Variants in CDC123 observed in about 807,000 individuals in gnomAD.
CDC123 encodes the protein cell division cycle 123.
Under a neutral mutation model 54.4 loss-of-function variants are expected in CDC123, and 37 were observed. That is an observed-to-expected ratio of 0.68 (90% CI 0.52 to 0.89). The LOEUF is 0.89. CDC123 is among the 40% of genes least tolerant of loss of function. The probability of loss-of-function intolerance (pLI) is 0.00; values close to 1 mark genes in which losing one functional copy is unlikely to be tolerated. For missense variants in CDC123, 361 were observed against 412.1 expected, an observed-to-expected ratio of 0.88 and a Z score of 1.07; for synonymous variants, 144 against 136.8, an observed-to-expected ratio of 1.05 and a Z score of -0.37.
intron 10 of CDC123, among the ~76,000 whole-genome samples, chr10:12,243,340 G>A (rs1823313306): frequency 6.7e-6 from 1 of 149,918 alleles, no homozygotes; most frequent in African/African-American, 2.5e-5. Flanking sequence ...GGAAGTTGCA[G>A]TGAGCCGAGA....
chr10:12,215,702 G>C (rs1162238149), intron 4 of CDC123, 38 bp from the exon 5 acceptor site: 1 of 1,233,040 alleles, frequency 8.1e-7, no homozygotes, highest in Non-Finnish European at 1.2e-6. Flanking sequence ...ATACTGTGAT[G>C]ATATTGACGT....
At chr10:12,229,004 C>T (rs750534838) in intron 6 of CDC123, among the ~76,000 whole-genome samples, 2 of 152,144 alleles carry the variant, frequency 1.3e-5, no homozygotes, top group Non-Finnish European at 1.5e-5. Flanking sequence ...CGTGAGCCAC[C>T]GTGCCAGGTC....
intron 6 of CDC123, among the ~76,000 whole-genome samples, chr10:12,217,954 T>G: frequency 6.6e-6 from 1 of 152,070 alleles, no homozygotes. Context: ...CCGGGCGTGG[T>G]GGCACGTGCC....
chr10:12,203,750 CATAA>C (rs113703606), intron 2 of CDC123, among the ~76,000 whole-genome samples: 2 of 151,976 alleles, frequency 1.3e-5, no homozygotes, highest in Non-Finnish European at 1.5e-5. Flanking sequence ...GCAAGTCAAA[CATAA>C]ATAAATAAAT....
intron 7 of CDC123, among the ~76,000 whole-genome samples, chr10:12,231,674 A>G (rs1450626619): frequency 1.3e-5 from 2 of 151,514 alleles, no homozygotes; most frequent in African/African-American, 2.4e-5. Context: ...AAACAACTTC[A>G]TTAGAAATTT....
rs142950469 is a variant in CDC123, at chr10:12,243,416, G to A, written c.718-2733G>A. ...AAAAAAAAGGAAAAAATGTGGTTTG[G>A]TTTTTTGCATTGTGGCATATTCCTA... On this transcript the variant is annotated intron_variant, in intron 10 of 12. Coordinates refer to ENST00000281141, the MANE Select transcript of CDC123 (RefSeq NM_006023.3). Among the ~76,000 whole-genome samples, 129 of 151,722 alleles carry A rather than the reference G, an allele frequency of 8.5e-4. 1 individual carries two copies. Among genetic ancestry groups the A allele is most frequent in the African/African-American group, 3.0e-3 (125 of 41,392 alleles).
At chr10:12,241,805 C>T (rs1836061812) in intron 10 of CDC123, among the ~76,000 whole-genome samples, 1 of 152,144 alleles carries the variant, frequency 6.6e-6, no homozygotes, top group Non-Finnish European at 1.5e-5. Context: ...TTGTGTCCTG[C>T]CCTGTCATTA....
chr10:12,210,419 C>A, intron 4 of CDC123, 97 bp downstream of exon 4: 1 of 1,385,328 alleles, frequency 7.2e-7, no homozygotes, highest in South Asian at 1.4e-5. Context: ...AATTCCTAGT[C>A]AGTCACCATC....
chr10:12,219,853 T>A (rs12780155), intron 6 of CDC123, among the ~76,000 whole-genome samples: 33,802 of 151,596 alleles, frequency 0.22, 4,117 homozygotes, highest in East Asian at 0.54. Context: ...GCCCAGCTAA[T>A]TTTTTTTTGT....
chr10:12,212,293 C>T (rs927506958), intron 4 of CDC123, among the ~76,000 whole-genome samples: 2 of 152,038 alleles, frequency 1.3e-5, no homozygotes, highest in Non-Finnish European at 2.9e-5. Flanking sequence ...ATTGAAGCTT[C>T]TTGGAGATAT....
chr10:12,196,712 G>A (rs1042094271), intron 1 of CDC123, among the ~76,000 whole-genome samples: 1 of 152,198 alleles, frequency 6.6e-6, no homozygotes, highest in Non-Finnish European at 1.5e-5. Context: ...ATTACAGTTA[G>A]ATACGAGAAC....
chr10:12,204,401 C>T (rs1374678329), intron 2 of CDC123, among the ~76,000 whole-genome samples: 1 of 152,100 alleles, frequency 6.6e-6, no homozygotes, highest in Non-Finnish European at 1.5e-5. Flanking sequence ...TTTTTGCTTT[C>T]TGAATATTGT....
intron 7 of CDC123, 38 bp downstream of exon 7, chr10:12,231,034 A>G (rs772797810): frequency 6.5e-7 from 1 of 1,531,248 alleles, no homozygotes; most frequent in African/African-American, 1.4e-5. Flanking sequence ...GTAGATGAAG[A>G]TGTGTTGAGA....
intron 11 of CDC123, chr10:12,247,690 T>C (rs556587453): frequency 6.6e-6 from 1 of 152,348 alleles, no homozygotes; most frequent in Non-Finnish European, 1.5e-5. Context: ...ACTCTCTCCT[T>C]TCCTGCCAGC....
chr10:12,217,674 A>G (rs542012663), intron 6 of CDC123, among the ~76,000 whole-genome samples: 3 of 152,344 alleles, frequency 2.0e-5, no homozygotes, highest in Admixed American at 2.0e-4. Flanking sequence ...AATGTTAAGG[A>G]CTTCCTGCGT....
At chr10:12,234,150 T>G (rs951114453) in intron 7 of CDC123, among the ~76,000 whole-genome samples, 1 of 152,178 alleles carries the variant, frequency 6.6e-6, no homozygotes, top group Non-Finnish European at 1.5e-5. Flanking sequence ...TGGAGTGCAG[T>G]GTGGCGCAAT....
At chr10:12,211,903 A>T (rs143015226) in intron 4 of CDC123, among the ~76,000 whole-genome samples, 14 of 152,286 alleles carry the variant, frequency 9.2e-5, no homozygotes, top group African/African-American at 3.4e-4. Context: ...GAGGACCAAC[A>T]TGGTGAAACC....
intron 6 of CDC123, among the ~76,000 whole-genome samples, chr10:12,228,267 CTTAA>C (rs1455645459): frequency 2.0e-5 from 3 of 152,168 alleles, no homozygotes; most frequent in Admixed American, 6.5e-5. Context: ...AACTGTTAAG[CTTAA>C]TTATTATTAA....
chr10:12,223,234 C>T (rs921231479), intron 6 of CDC123, among the ~76,000 whole-genome samples: 1 of 151,882 alleles, frequency 6.6e-6, no homozygotes, highest in Non-Finnish European at 1.5e-5. Context: ...TGGAACAGCA[C>T]GAGAGAAACG....
Sources: gnomAD v4.1 joint callset for allele counts (sites outside exome capture counted in the v4.1 genomes callset) on GRCh38, gnomAD v4.1.1 for gene constraint, MANE v1.5 for transcripts, NCBI Gene and HGNC (gene_info 2026-07-23, HGNC 2026-07-21) for gene names.